The following ITGA9 variants were observed in gnomAD, a reference collection of about 807,000 sequenced individuals.
The protein encoded by ITGA9 is integrin subunit alpha 9.
Under a neutral mutation model 127.8 loss-of-function variants are expected in ITGA9, and 56 were observed. The ratio of observed to expected loss-of-function variants is 0.44; its 90% CI spans 0.35 to 0.55. ITGA9 has a LOEUF of 0.55. ITGA9 is among the 20% of genes least tolerant of loss of function. The pLI is 0.00. For synonymous variants in ITGA9, 508 were observed against 514.5 expected (o/e 0.99, Z 0.17); for missense variants, 1,196 against 1,347.1 (o/e 0.89, Z 1.76).
chr3:37,601,584 AT>A (rs1482359515), intron 15 of ITGA9, among the ~76,000 whole-genome samples: 3 of 152,168 alleles, frequency 2.0e-5, no homozygotes, highest in Non-Finnish European at 4.4e-5. Context: ...ACATGTAGAC[AT>A]TTTTCTGAGA....
At chr3:37,809,363 G>C (rs1697338977) in intron 27 of ITGA9, among the ~76,000 whole-genome samples, 2 of 152,078 alleles carry the variant, frequency 1.3e-5, no homozygotes, top group African/African-American at 4.8e-5. Flanking sequence ...TGGGATTACA[G>C]GTGTGAGCCA....
At chr3:37,716,591 A>G (rs1307484320) in intron 18 of ITGA9, among the ~76,000 whole-genome samples, 1 of 149,050 alleles carries the variant, frequency 6.7e-6, no homozygotes, top group African/African-American at 2.5e-5. Flanking sequence ...GAAGTTTAAT[A>G]TATTCCAACA....
chr3:37,813,859 C>T (rs538877607), intron 27 of ITGA9, among the ~76,000 whole-genome samples: 42 of 152,154 alleles, frequency 2.8e-4, no homozygotes, highest in Middle Eastern at 3.4e-3. Flanking sequence ...CTTTCCTCAT[C>T]GGTAAAATTG....
chr3:37,509,456 G>T (rs956827579), intron 8 of ITGA9, among the ~76,000 whole-genome samples: 1 of 152,058 alleles, frequency 6.6e-6, no homozygotes, highest in African/African-American at 2.4e-5. Flanking sequence ...GGAGGCCTTA[G>T]TGGGATCTGG....
intron 18 of ITGA9, among the ~76,000 whole-genome samples, chr3:37,723,933 T>G (rs1701218514): frequency 6.6e-6 from 1 of 152,252 alleles, no homozygotes; most frequent in South Asian, 2.1e-4. Flanking sequence ...CTGGCCCTGC[T>G]GACAGGAGCC....
At chr3:37,784,253 T>C (rs545152807) in intron 25 of ITGA9, among the ~76,000 whole-genome samples, 147 of 152,154 alleles carry the variant, frequency 9.7e-4, no homozygotes, top group Non-Finnish European at 1.8e-3. Context: ...CCTGTCTTCT[T>C]CCAAATTCTT....
intron 27 of ITGA9, among the ~76,000 whole-genome samples, chr3:37,810,498 C>T (rs751765612): frequency 1.3e-5 from 2 of 152,038 alleles, no homozygotes; most frequent in Non-Finnish European, 2.9e-5. Context: ...TCACTGCAAC[C>T]TCCGCCTCCC....
intron 17 of ITGA9, among the ~76,000 whole-genome samples, chr3:37,676,841 G>A (rs570402614): frequency 6.6e-6 from 1 of 152,202 alleles, no homozygotes; most frequent in Admixed American, 6.5e-5. Flanking sequence ...TCCTTCTCCT[G>A]CCCCTTTCCA....
chr3:37,733,768 A>T (rs1044644381), intron 19 of ITGA9, among the ~76,000 whole-genome samples: 1 of 152,100 alleles, frequency 6.6e-6, no homozygotes, highest in Non-Finnish European at 1.5e-5. Flanking sequence ...GTGAGAAATA[A>T]ATGTTTAAAC....
At chr3:37,503,781 C>T (rs1424002431) in intron 6 of ITGA9, among the ~76,000 whole-genome samples, 7 of 152,198 alleles carry the variant, frequency 4.6e-5, no homozygotes, top group Non-Finnish European at 8.8e-5. Flanking sequence ...AAAAATTTCT[C>T]TTGCTTTCTT....
intron 15 of ITGA9, among the ~76,000 whole-genome samples, chr3:37,565,747 G>C (rs1289550481): frequency 1.3e-5 from 2 of 152,186 alleles, no homozygotes; most frequent in Non-Finnish European, 2.9e-5. Context: ...ACTCCTTATA[G>C]ATTCTGATTC....
intron 17 of ITGA9, among the ~76,000 whole-genome samples, chr3:37,670,735 A>G (rs1464055971): frequency 6.6e-6 from 1 of 152,174 alleles, no homozygotes; most frequent in Non-Finnish European, 1.5e-5. Context: ...TAAACTACAC[A>G]TTTGTGCTCT....
At chr3:37,683,006 C>T (rs946131867) in intron 17 of ITGA9, among the ~76,000 whole-genome samples, 4 of 152,178 alleles carry the variant, frequency 2.6e-5, no homozygotes, top group Non-Finnish European at 4.4e-5. Context: ...TAAACACTAA[C>T]GTCAAGTCAC....
intron 2 of ITGA9, among the ~76,000 whole-genome samples, chr3:37,472,846 T>A (rs1351193806): frequency 6.6e-6 from 1 of 152,108 alleles, no homozygotes; most frequent in Non-Finnish European, 1.5e-5. Context: ...CATGAGAAAG[T>A]CTTGCCATGT....
rs139101091 is a variant in ITGA9, at chr3:37,538,246, G to A, written c.1529-4179G>A. ...ACAGCTGAAATCTTGTTCTGACGGA[G>A]AGCAGGAATTAATCAAAACTTGCTG... On this transcript the variant is annotated intron_variant, in intron 14 of 27. Transcript: ENST00000264741. 5.3e-3 allele frequency among the ~76,000 whole-genome samples: 815 copies of A among 152,368 alleles called. 4 individuals are homozygous for A. The highest frequency in any genetic ancestry group is 0.017 in the South Asian group (80 of 4,826).
Position 37,803,929 on chromosome 3 carries a change from T to C in ITGA9, c.2996T>C (p.Val999Ala), listed in dbSNP as rs903539662. The part of the protein sequence containing the change: ...VGILIFLLLA[V>A]LLWKMGFFRR... Reference sequence around the variant, plus strand: ...ATCCTCATCTTCCTGCTGCTGGCCGTGCTGCTCTGGAAGGTGAGTCTGGTG... The same window carrying C: ...ATCCTCATCTTCCTGCTGCTGGCCGCGCTGCTCTGGAAGGTGAGTCTGGTG... Residue 999 changes from valine (V) to alanine (A), a missense_variant, in exon 27 of 28, where the codon GTG becomes GCG. Coordinates refer to ENST00000264741, the MANE Select transcript of ITGA9 (RefSeq NM_002207.3). 2 of 1,614,178 alleles carry C rather than the reference T, an allele frequency of 1.2e-6. No individual in the cohort carries two copies. Among genetic ancestry groups the C allele is most frequent in the Admixed American group, 3.3e-5 (2 of 60,022 alleles).
chr3:37,557,457 A>C (rs1699442046), intron 15 of ITGA9, among the ~76,000 whole-genome samples: 1 of 152,180 alleles, frequency 6.6e-6, no homozygotes, highest in Non-Finnish European at 1.5e-5. Context: ...CGAAGCAGCC[A>C]TCCATAGGTA....
chr3:37,562,478 C>T (rs748873358), intron 15 of ITGA9, among the ~76,000 whole-genome samples: 10 of 152,138 alleles, frequency 6.6e-5, no homozygotes, highest in Non-Finnish European at 1.2e-4. Flanking sequence ...TCCCCGCTGC[C>T]CCGAAAGATC....
intron 22 of ITGA9, among the ~76,000 whole-genome samples, chr3:37,750,052 C>A (rs935186846): frequency 6.6e-6 from 1 of 150,506 alleles, no homozygotes; most frequent in African/African-American, 2.4e-5. Flanking sequence ...CCATACCCCC[C>A]CACCAAAATG....
Sources: allele counts gnomAD v4.1 joint callset (sites outside exome capture counted in the v4.1 genomes callset), GRCh38; gene constraint gnomAD v4.1.1; transcripts MANE v1.5; gene names NCBI Gene and HGNC (gene_info 2026-07-23, HGNC 2026-07-21).